FAM9A: variants seen among roughly 807,000 people sequenced by gnomAD.
FAM9A encodes protein FAM9A.
A neutral mutation model predicts 25.0 loss-of-function variants in FAM9A; 49 were observed. That is an observed-to-expected ratio of 1.96 (90% CI 1.56 to 2.48). The LOEUF is 2.48. FAM9A is among the 30% of genes most tolerant of loss of function. The pLI is 0.00. For missense variants in FAM9A, 266 were observed against 249.3 expected, an observed-to-expected ratio of 1.07 and a Z score of -0.45; for synonymous variants, 80 against 85.1, an observed-to-expected ratio of 0.94 and a Z score of 0.33.
intron 5 of FAM9A, among the ~76,000 whole-genome samples, chrX:8,797,128 T>C (rs762207026): frequency 2.2e-4 from 25 of 112,106 alleles, no homozygotes; most frequent in South Asian, 1.1e-3. Flanking sequence ...CAAATATTTT[T>C]TACATTCTCC....
rs185174109 is a variant in FAM9A at position 8,794,214 on chromosome X, G to A, written c.832-458C>T. On this transcript the variant is annotated intron_variant, in intron 7 of 9. Transcript: ENST00000381003. The stretch of plus-strand genomic sequence containing the variant: ...CACCTTGACCTAATCTCCAACAACA[G>A]TGTTCTCCTCTCCTCTACGTGGCAC... Among the ~76,000 whole-genome samples the A allele has an allele frequency of 7.3e-3, 815 of 111,497 alleles. 2 individuals are homozygous for A. The highest frequency in any genetic ancestry group is 0.011 in the Non-Finnish European group (595 of 53,100).
chrX:8,798,979 C>T lies in FAM9A; in HGVS notation c.207G>A (p.Ala69=), dbSNP rs765782877. ...GGCTGTGTTTACCTGTGTGCTTCTTCGCCGGGGCGGCCCTAACTTGAGCTT... is the reference window on the plus strand; with the variant it reads ...GGCTGTGTTTACCTGTGTGCTTCTTTGCCGGGGCGGCCCTAACTTGAGCTT... ...QLEAQVRAAP[A]KKHTGKDPVR... Residue 69 remains alanine, a synonymous_variant, in exon 3 of 10, where the codon GCG becomes GCA. Transcript: ENST00000381003. 903 of 1,211,890 alleles carry T rather than the reference C, an allele frequency of 7.5e-4. 6 individuals carry two copies. The South Asian group carries it at 0.015, about 20-fold the overall frequency.
chrX:8,798,505 C>T (rs760118289), intron 3 of FAM9A, 26 bp from the exon 4 acceptor site: 1 of 1,198,633 alleles, frequency 8.3e-7, no homozygotes, highest in Non-Finnish European at 1.1e-6. Flanking sequence ...AAAGACAAAC[C>T]ATTTTTAGAG....
intron 7 of FAM9A, 103 bp downstream of exon 7, chrX:8,794,975 T>C: frequency 2.7e-6 from 3 of 1,103,631 alleles, no homozygotes; most frequent in South Asian, 4.8e-5. Flanking sequence ...CCCCCCTCTC[T>C]GGGCTCATGC....
rs1933591139 is a variant in FAM9A, at chrX:8,800,204, C to T, written c.-33G>A. Reference sequence around the variant, plus strand: ...TGTCCTGGGAAGTTAGAGGCGATCCCTGAACCTGGTTGAGTGCAAAGTCAA... The same window carrying T: ...TGTCCTGGGAAGTTAGAGGCGATCCTTGAACCTGGTTGAGTGCAAAGTCAA... On this transcript the variant is annotated 5_prime_UTR_variant, in exon 2 of 10. Transcript: ENST00000381003. 4 of 1,199,902 alleles carry T rather than the reference C, an allele frequency of 3.3e-6. No homozygotes were observed. In the East Asian group the frequency reaches 1.2e-4, roughly 36 times the overall value.
chrX:8,800,202 C>G lies in FAM9A; in HGVS notation c.-31G>C, dbSNP rs1933591078. ...GCTGTCCTGGGAAGTTAGAGGCGAT[C>G]CCTGAACCTGGTTGAGTGCAAAGTC... On this transcript the variant is annotated 5_prime_UTR_variant, in exon 2 of 10. Coordinates refer to ENST00000381003, the MANE Select transcript of FAM9A (RefSeq NM_174951.3). 8.3e-7 allele frequency: 1 copy of G among 1,200,549 alleles called. No homozygotes were observed. The highest frequency in any genetic ancestry group is 3.0e-5 in the East Asian group (1 of 33,486).
intron 8 of FAM9A, among the ~76,000 whole-genome samples, chrX:8,791,647 T>A (rs1443144325): frequency 1.8e-5 from 2 of 111,671 alleles, no homozygotes; most frequent in South Asian, 3.7e-4. Context: ...CATCTTAAGG[T>A]CAAGATGGAG....
rs1933589037 is a variant in FAM9A, at chrX:8,800,100, G to A, written c.72C>T (p.Ala24=). Reference sequence around the variant, plus strand: ...GTGCACCTTCTTTCGTGGCCCCCTGGGCGGCCGTAACTTGAGCTTCCAACT... The same window carrying A: ...GTGCACCTTCTTTCGTGGCCCCCTGAGCGGCCGTAACTTGAGCTTCCAACT... ...KAQLEAQVTA[A]QGATKEGSGI... Residue 24 remains alanine, a synonymous_variant, in exon 2 of 10, where the codon GCC becomes GCT. Coordinates refer to ENST00000381003, the MANE Select transcript of FAM9A (RefSeq NM_174951.3). 1.7e-6 allele frequency: 2 copies of A among 1,208,888 alleles called. No homozygotes were observed. Among genetic ancestry groups the A allele is most frequent in the Non-Finnish European group, 2.2e-6 (2 of 894,312 alleles).
intron 9 of FAM9A, 30 bp downstream of exon 9, chrX:8,791,250 A>G: frequency 2.0e-6 from 2 of 989,882 alleles, no homozygotes; most frequent in Non-Finnish European, 2.8e-6. Flanking sequence ...ATCAATCCTG[A>G]GTTTTTAAAC....
At chrX:8,796,224 G>T (rs1472660877) in intron 6 of FAM9A, 44 bp downstream of exon 6, 2 of 989,428 alleles carry the variant, frequency 2.0e-6, no homozygotes, top group Non-Finnish European at 1.4e-6. Context: ...CAAATACAAA[G>T]AAATGATATA....
At position 8,800,199 on chromosome X, in the gene FAM9A, G is replaced by T. The variant is rs1352956135; in HGVS notation, c.-28C>A. 2 of 1,198,997 alleles carry T rather than the reference G, an allele frequency of 1.7e-6. No individual in the cohort carries two copies. Among genetic ancestry groups the T allele is most frequent in the African/African-American group, 3.5e-5 (2 of 56,432 alleles). ...TTGGCTGTCCTGGGAAGTTAGAGGC[G>T]ATCCCTGAACCTGGTTGAGTGCAAA... On this transcript the variant is annotated 5_prime_UTR_variant, in exon 2 of 10. Transcript: ENST00000381003.
Position 8,798,988 on chromosome X carries a change from G to A in FAM9A, c.198C>T (p.Ala66=), listed in dbSNP as rs2146941258. ...TACCTGTGTGCTTCTTCGCCGGGGC[G>A]GCCCTAACTTGAGCTTCCAACTGAG... ...AKAQLEAQVR[A]APAKKHTGKD... The change falls in exon 3 of 10, where the codon GCC becomes GCT. Residue 66 remains alanine (A), a synonymous_variant. Coordinates refer to ENST00000381003, the MANE Select transcript of FAM9A (RefSeq NM_174951.3). 3 of 1,212,576 alleles carry A rather than the reference G, an allele frequency of 2.5e-6. No individual in the cohort carries two copies. The highest frequency in any genetic ancestry group is 3.3e-6 in the Non-Finnish European group (3 of 895,664).
At chrX:8,792,318 T>A (rs903268215) in intron 8 of FAM9A, among the ~76,000 whole-genome samples, 1 of 110,656 alleles carries the variant, frequency 9.0e-6, no homozygotes, top group African/African-American at 3.3e-5. Flanking sequence ...GGGAGGGTTT[T>A]AGGAAGATAA....
chrX:8,797,095 CAT>C (rs1053017249), intron 5 of FAM9A, among the ~76,000 whole-genome samples: 5 of 112,091 alleles, frequency 4.5e-5, no homozygotes, highest in Non-Finnish European at 9.4e-5. Flanking sequence ...TTTCAGCAAT[CAT>C]AAAAGATCTG....
At chrX:8,798,233 T>C (rs770089129) in intron 4 of FAM9A, 52 bp from the exon 5 acceptor site, 2 of 1,200,744 alleles carry the variant, frequency 1.7e-6, no homozygotes, top group Non-Finnish European at 2.3e-6. Context: ...CAAAATGCCA[T>C]GTTTGTTGGG....
intron 2 of FAM9A, among the ~76,000 whole-genome samples, chrX:8,799,721 C>T (rs1399464805): frequency 1.9e-5 from 1 of 51,289 alleles, no homozygotes; most frequent in Non-Finnish European, 3.6e-5. Context: ...GACCCTCCCC[C>T]CTCTGCCACC....
intron 2 of FAM9A, 80 bp from the exon 3 acceptor site, chrX:8,799,174 A>C: frequency 9.5e-7 from 1 of 1,052,516 alleles, no homozygotes; most frequent in East Asian, 3.3e-5. Flanking sequence ...CTCGGATTCA[A>C]GAAAGGGTGG....
rs1179970642 is a variant in FAM9A at position 8,795,198 on chromosome X, TTCC to T, written c.708_710del (p.Glu239del). On this transcript the variant is annotated inframe_deletion, in exon 7 of 10. Coordinates refer to ENST00000381003, the MANE Select transcript of FAM9A (RefSeq NM_174951.3). ...CTCCTCCTTCTTCTTCTCCTTCTTC[TTCC>T]TCCTCTTCTTTCTCCTCCTCCTCCT... is the stretch of plus-strand genomic sequence containing the variant. The T allele has an allele frequency of 1.9e-6, 2 of 1,047,008 alleles. No homozygotes were observed. Among genetic ancestry groups the T allele is most frequent in the East Asian group, 3.3e-5 (1 of 30,564 alleles). 86.3% of individuals were successfully genotyped at this position (1,047,008 alleles called of 1,213,427 possible).
chrX:8,793,658 C>A lies in FAM9A; in HGVS notation c.930G>T (p.Lys310Asn), dbSNP rs1274421378. ...EMKPLLEQLL[K>N]AAKDTKDNYC... ...TATTATGTTACCAAATAGAACAGAC[C>A]TTTAGTAATTGCTCAAGTAGCGGCT... Residue 310 changes from lysine (K) to asparagine (N), a missense_variant and splice_region_variant, in exon 8 of 10, where the codon AAG becomes AAT. Lys to Asn is a moderately conservative substitution (Grantham distance 94). Coordinates refer to ENST00000381003, the MANE Select transcript of FAM9A (RefSeq NM_174951.3). 3 of 1,201,650 alleles carry A rather than the reference C, an allele frequency of 2.5e-6. No individual in the cohort carries two copies. In the Admixed American group the frequency reaches 6.5e-5, roughly 26 times the overall value.
Sources: gnomAD v4.1 joint callset for allele counts (sites outside exome capture counted in the v4.1 genomes callset) on GRCh38, gnomAD v4.1.1 for gene constraint, MANE v1.5 for transcripts, NCBI Gene and HGNC (gene_info 2026-07-23, HGNC 2026-07-21) for gene names.